DLGAP1: variants seen among roughly 807,000 people sequenced by gnomAD.
The protein encoded by DLGAP1 is disks large-associated protein 1.
DLGAP1 carries 11 observed loss-of-function variants against 90.8 expected under a neutral mutation model. That is an observed-to-expected ratio of 0.12 (90% CI 0.08 to 0.20). The LOEUF is 0.20. Ranked by LOEUF, DLGAP1 falls within the 10% of genes least tolerant of loss-of-function variation. DLGAP1 has a pLI of 1.00. For synonymous variants in DLGAP1, 558 were observed against 540.7 expected (o/e 1.03, Z -0.44); for missense variants, 1,050 against 1,333.8 (o/e 0.79, Z 3.31).
intron 9 of DLGAP1, among the ~76,000 whole-genome samples, chr18:3,539,026 G>A (rs565047445): frequency 3.3e-5 from 5 of 152,182 alleles, no homozygotes; most frequent in African/African-American, 9.7e-5. Flanking sequence ...TAAAAGCGGC[G>A]CCTTTGAACT....
chr18:4,436,957 G>T (rs554864943), intron 1 of DLGAP1, among the ~76,000 whole-genome samples: 17 of 152,234 alleles, frequency 1.1e-4, no homozygotes, highest in African/African-American at 3.9e-4. Context: ...TTCCTAGAAG[G>T]TTTAATTTAC....
chr18:4,233,372 C>G (rs1483192025), intron 1 of DLGAP1, among the ~76,000 whole-genome samples: 2 of 152,144 alleles, frequency 1.3e-5, no homozygotes. Context: ...GCTTACTGGT[C>G]AGATGTTTTG....
At chr18:4,016,739 C>T (rs182337065) in intron 2 of DLGAP1, among the ~76,000 whole-genome samples, 3 of 152,234 alleles carry the variant, frequency 2.0e-5, no homozygotes, top group East Asian at 1.9e-4. Flanking sequence ...CTTCTACCTG[C>T]GAGGCTCCAG....
At chr18:4,053,684 G>T (rs905207292) in intron 2 of DLGAP1, among the ~76,000 whole-genome samples, 1 of 152,052 alleles carries the variant, frequency 6.6e-6, no homozygotes, top group African/African-American at 2.4e-5. Flanking sequence ...GATCTTCCCA[G>T]CCACGTTTCC....
intron 7 of DLGAP1, among the ~76,000 whole-genome samples, chr18:3,595,389 C>T (rs2056522236): frequency 6.6e-6 from 1 of 152,040 alleles, no homozygotes; most frequent in Non-Finnish European, 1.5e-5. Context: ...TGAAGTTTGG[C>T]AGTAAGTTAA....
At chr18:4,004,774 T>A (rs2074266753) in intron 3 of DLGAP1, among the ~76,000 whole-genome samples, 1 of 152,042 alleles carries the variant, frequency 6.6e-6, no homozygotes, top group Admixed American at 6.6e-5. Flanking sequence ...GTGTTGAGCT[T>A]GGGGACATAG....
chr18:4,383,643 C>T lies in DLGAP1; in HGVS notation c.-267+71363G>A, dbSNP rs2082175037. ...CAAGTAGAACTGCTTTCTGACTATGCTATGTAGAATGCGAAGTGATTAAAC... is the reference window on the plus strand; with the variant it reads ...CAAGTAGAACTGCTTTCTGACTATGTTATGTAGAATGCGAAGTGATTAAAC... On this transcript the variant is annotated intron_variant, in intron 1 of 12. Transcript: ENST00000315677. The surrounding 1 kb of genome is among the most constrained non-coding windows in gnomAD (Gnocchi z 4.0). 6.6e-6 allele frequency among the ~76,000 whole-genome samples: 1 copy of T among 152,014 alleles called. No homozygotes were observed.
At chr18:3,753,455 C>T (rs909550011) in intron 5 of DLGAP1, among the ~76,000 whole-genome samples, 1 of 152,198 alleles carries the variant, frequency 6.6e-6, no homozygotes, top group African/African-American at 2.4e-5. Flanking sequence ...GGAAGCTCTG[C>T]TCTGTGGAAA....
chr18:4,402,727 AAG>A (rs2082581189), intron 1 of DLGAP1, among the ~76,000 whole-genome samples: 1 of 152,232 alleles, frequency 6.6e-6, no homozygotes, highest in Non-Finnish European at 1.5e-5. Context: ...AAGTAAAAAG[AAG>A]ACAGTCAAAA....
intron 3 of DLGAP1, among the ~76,000 whole-genome samples, chr18:3,907,209 T>C (rs1404912280): frequency 6.6e-6 from 1 of 152,208 alleles, no homozygotes; most frequent in African/African-American, 2.4e-5. Context: ...TACTTCCTGA[T>C]ACAGTATTAG....
chr18:4,118,407 C>T (rs904973754), intron 2 of DLGAP1, among the ~76,000 whole-genome samples: 2 of 152,104 alleles, frequency 1.3e-5, no homozygotes, highest in African/African-American at 4.8e-5. Flanking sequence ...GCTTGCCTTT[C>T]CTTGTATGGA....
At chr18:4,323,062 T>C (rs1453982067) in intron 1 of DLGAP1, among the ~76,000 whole-genome samples, 3 of 151,302 alleles carry the variant, frequency 2.0e-5, no homozygotes, top group Non-Finnish European at 4.4e-5. Context: ...TGATGAAAGG[T>C]TTATATCCAG....
chr18:4,282,752 C>T (rs796850875), intron 1 of DLGAP1, among the ~76,000 whole-genome samples: 100 of 152,282 alleles, frequency 6.6e-4, no homozygotes, highest in African/African-American at 2.3e-3. Flanking sequence ...TGGGGGCTGG[C>T]ATTGCGAGAG....
intron 7 of DLGAP1, among the ~76,000 whole-genome samples, chr18:3,675,062 C>T (rs2060249466): frequency 1.3e-5 from 2 of 152,332 alleles, no homozygotes; most frequent in South Asian, 2.1e-4. Flanking sequence ...TGCCAAGTAC[C>T]ACGCAGTGGG....
intron 4 of DLGAP1, chr18:3,878,346 C>T (rs1471504470): frequency 6.6e-6 from 1 of 152,142 alleles, no homozygotes; most frequent in Non-Finnish European, 1.5e-5. Flanking sequence ...CATCTGGTTT[C>T]AGTGAACTGG....
intron 4 of DLGAP1, among the ~76,000 whole-genome samples, chr18:3,854,258 C>T (rs752725924): frequency 2.6e-5 from 4 of 152,116 alleles, no homozygotes; most frequent in Non-Finnish European, 5.9e-5. Flanking sequence ...CAGTCTCTAG[C>T]GAGAAGCAGA....
intron 2 of DLGAP1, among the ~76,000 whole-genome samples, chr18:4,055,914 T>C (rs1474540223): frequency 1.3e-5 from 2 of 152,198 alleles, no homozygotes; most frequent in Non-Finnish European, 2.9e-5. Flanking sequence ...ATGTGTCATC[T>C]TCACTCCACT....
At chr18:3,772,495 T>A (rs2064728444) in intron 5 of DLGAP1, among the ~76,000 whole-genome samples, 1 of 138,728 alleles carries the variant, frequency 7.2e-6, no homozygotes. Flanking sequence ...GTCCCGGAGA[T>A]CTTAATGAGC....
At chr18:3,600,687 G>GAT (rs2056845809) in intron 7 of DLGAP1, among the ~76,000 whole-genome samples, 3 of 68,384 alleles carry the variant, frequency 4.4e-5, no homozygotes, top group Non-Finnish European at 8.9e-5. Context: ...TATCTATAGA[G>GAT]ATCTATATAG....
Sources: gnomAD v4.1 joint callset for allele counts (sites outside exome capture counted in the v4.1 genomes callset) on GRCh38, gnomAD v4.1.1 for gene constraint, Gnocchi (gnomAD v3.1) non-coding constraint, MANE v1.5 for transcripts, NCBI Gene and HGNC (gene_info 2026-07-23, HGNC 2026-07-21) for gene names.